The following VPS13D variants were observed in gnomAD, a reference collection of about 807,000 sequenced individuals.
VPS13D encodes the protein intermembrane lipid transfer protein VPS13D.
A neutral mutation model predicts 461.9 loss-of-function variants in VPS13D; 187 were observed. The observed-to-expected ratio is 0.40, with a 90% CI of 0.36 to 0.46. VPS13D has a LOEUF of 0.46. Ranked by LOEUF, VPS13D falls within the 20% of genes least tolerant of loss-of-function variation. The pLI, the probability that VPS13D is intolerant of heterozygous loss-of-function variation, is 0.60. For missense variants in VPS13D, 4,711 were observed against 5,364.9 expected, an observed-to-expected ratio of 0.88 and a Z score of 3.81; for synonymous variants, 1,951 against 1,986.3, an observed-to-expected ratio of 0.98 and a Z score of 0.47.
rs942045392 is a variant in VPS13D, at chr1:12,509,260, C to T, written c.*236C>T. 5 of 493,130 alleles carry T rather than the reference C, an allele frequency of 1.0e-5. No individual in the cohort carries two copies. In the East Asian group the frequency reaches 1.1e-4, roughly 11 times the overall value. 30.5% of individuals were successfully genotyped at this position (493,130 alleles called of 1,614,324 possible). ...ATTTTTAAAGGTATTGGTTAAATAA[C>T]GTTTAAAAACATGTACTGAGATGAA... On this transcript the variant is annotated 3_prime_UTR_variant, in exon 70 of 70. Coordinates refer to ENST00000620676, the MANE Select transcript of VPS13D (RefSeq NM_015378.4).
At chr1:12,247,023 ACT>A (rs1640573045) in intron 5 of VPS13D, among the ~76,000 whole-genome samples, 3 of 152,100 alleles carry the variant, frequency 2.0e-5, no homozygotes, top group Admixed American at 1.3e-4. Flanking sequence ...TTATGGGGTA[ACT>A]CTGTTTACTT....
intron 67 of VPS13D, among the ~76,000 whole-genome samples, chr1:12,465,534 G>A (rs1034099037): frequency 3.5e-4 from 53 of 152,340 alleles, no homozygotes; most frequent in African/African-American, 1.2e-3. Flanking sequence ...GATTGTGCAC[G>A]TAGATGTAAA....
At chr1:12,346,460 A>G in intron 43 of VPS13D, 145 bp from the exon 44 acceptor site, 1 of 710,158 alleles carries the variant, frequency 1.4e-6, no homozygotes, top group Non-Finnish European at 2.3e-6. Flanking sequence ...CTTTAAGAGG[A>G]GATGTTTTAT....
rs1294600892 is a variant in VPS13D, at chr1:12,495,963, T to C, written c.12663-1537T>C. Among the ~76,000 whole-genome samples, 1 of 152,198 alleles carries C rather than the reference T, an allele frequency of 6.6e-6. No homozygotes were observed. Among genetic ancestry groups the C allele is most frequent in the African/African-American group, 2.4e-5 (1 of 41,458 alleles). On this transcript the variant is annotated intron_variant, in intron 67 of 69. Coordinates refer to ENST00000620676, the MANE Select transcript of VPS13D (RefSeq NM_015378.4). The surrounding 1 kb of genome is among the most constrained non-coding windows in gnomAD (Gnocchi z 4.0). The stretch of plus-strand genomic sequence containing the variant: ...ACCAGCATCCTCTCGGCAGCAGTCG[T>C]CCAGCTTCTCTCCTGATGGGTTAGC...
chr1:12,469,299 A>G (rs572706197), intron 67 of VPS13D, among the ~76,000 whole-genome samples: 1 of 152,238 alleles, frequency 6.6e-6, no homozygotes. Flanking sequence ...ATTTATAGAT[A>G]TAACAATTTT....
In VPS13D at chr1:12,383,116, C is replaced by T. The variant is rs1172802562; in HGVS notation, c.11331C>T (p.Ser3777=). Residue 3777 remains serine (S), a synonymous_variant, in exon 58 of 70, where the codon TCC becomes TCT. Coordinates refer to ENST00000620676, the MANE Select transcript of VPS13D (RefSeq NM_015378.4). The part of the protein sequence containing the change: ...QKMRPGSGML[S]IRVIPDGPTR... ...TGAGACCTGGTTCTGGAATGTTATC[C>T]ATCAGAGTCATCCCAGATGGACCAA... 3 of 1,614,044 alleles carry T rather than the reference C, an allele frequency of 1.9e-6. No individual in the cohort carries two copies. Among genetic ancestry groups the T allele is most frequent in the African/African-American group, 1.3e-5 (1 of 75,018 alleles).
At position 12,386,173 on chromosome 1, in the gene VPS13D, G is replaced by T. The variant is rs777743995; in HGVS notation, c.11485-12G>T. On this transcript the variant is annotated splice_polypyrimidine_tract_variant and intron_variant, in intron 59 of 69. Transcript: ENST00000620676. The stretch of plus-strand genomic sequence containing the variant: ...AAAACAATCAGGGTGCCATATTTTG[G>T]TTTCCTTTCAGGTGCTTGTGAGGTT... 1.9e-6 allele frequency: 3 copies of T among 1,602,532 alleles called. No individual in the cohort carries two copies. Among genetic ancestry groups the T allele is most frequent in the African/African-American group, 1.3e-5 (1 of 74,366 alleles).
chr1:12,361,823 C>T (rs1014856868), intron 50 of VPS13D, among the ~76,000 whole-genome samples: 26 of 151,996 alleles, frequency 1.7e-4, no homozygotes, highest in African/African-American at 1.9e-4. Flanking sequence ...ACATAGTAGG[C>T]GCTGAAAACA....
chr1:12,346,218 CTG>C (rs1021322749), intron 43 of VPS13D, among the ~76,000 whole-genome samples: 13 of 152,206 alleles, frequency 8.5e-5, no homozygotes, highest in Non-Finnish European at 2.9e-5. Flanking sequence ...TTAGAAAACA[CTG>C]TTGCACAACT....
intron 2 of VPS13D, among the ~76,000 whole-genome samples, chr1:12,240,641 G>A (rs1312354879): frequency 1.4e-5 from 2 of 145,720 alleles, no homozygotes; most frequent in Non-Finnish European, 3.0e-5. Flanking sequence ...CATAAATCAT[G>A]CTCTTCAAAA....
intron 22 of VPS13D, among the ~76,000 whole-genome samples, chr1:12,290,352 ATGT>A (rs1371319842): frequency 2.6e-5 from 4 of 152,142 alleles, no homozygotes; most frequent in Non-Finnish European, 5.9e-5. Flanking sequence ...AGACCTAATG[ATGT>A]TTATTTCTAG....
intron 67 of VPS13D, among the ~76,000 whole-genome samples, chr1:12,464,106 A>G (rs1408303203): frequency 2.0e-5 from 3 of 152,234 alleles, no homozygotes; most frequent in East Asian, 1.9e-4. Context: ...CTCTAACACT[A>G]TCACCGAGGG....
At position 12,299,092 on chromosome 1, in the gene VPS13D, A is replaced by G. The variant is rs1176902265; in HGVS notation, c.6034-110A>G. Reference sequence around the variant, plus strand: ...ATGGTGGTCATAGAATATGCTCTGTATGATTTTAATTGTTTTATAAACTCA... The same window carrying G: ...ATGGTGGTCATAGAATATGCTCTGTGTGATTTTAATTGTTTTATAAACTCA... On this transcript the variant is annotated intron_variant, in intron 24 of 69. Transcript: ENST00000620676. The surrounding 1 kb of genome is among the most constrained non-coding windows in gnomAD (Gnocchi z 4.2). 6.7e-6 allele frequency: 7 copies of G among 1,041,762 alleles called. No homozygotes were observed. The highest frequency in any genetic ancestry group is 1.4e-6 in the Non-Finnish European group (1 of 733,682). The allele number at this position is 1,041,762 out of a possible 1,614,324, so 64.5% of individuals were successfully genotyped here. A position where few individuals can be genotyped will look rare whatever the true frequency, so the allele number is the denominator to read the frequency against.
chr1:12,322,607 C>T lies in VPS13D; in HGVS notation c.7776C>T (p.Ser2592=). The part of the protein sequence containing the change: ...DVQLFLAIAK[S]IPEQANAAVP... ...AGCTGTTTCTTGCCATTGCAAAATC[C>T]ATCCCAGAGCAAGCTAATGCTGCAG... The change falls in exon 34 of 70, where the codon TCC becomes TCT. Residue 2592 remains serine (S), a synonymous_variant. Coordinates refer to ENST00000620676, the MANE Select transcript of VPS13D (RefSeq NM_015378.4). 1.2e-6 allele frequency: 2 copies of T among 1,614,218 alleles called. No homozygotes were observed. The highest frequency in any genetic ancestry group is 2.2e-5 in the South Asian group (2 of 91,082).
rs75328731 is a variant in VPS13D at position 12,347,736 on chromosome 1, A to T, written c.9069+1084A>T. On this transcript the variant is annotated intron_variant, in intron 44 of 69. Coordinates refer to ENST00000620676, the MANE Select transcript of VPS13D (RefSeq NM_015378.4). Reference sequence around the variant, plus strand: ...TGGCAGAATGAAAAGCTTGAATGTCATGCCATTTGTTTCTCCAGTAAAAAG... The same window carrying T: ...TGGCAGAATGAAAAGCTTGAATGTCTTGCCATTTGTTTCTCCAGTAAAAAG... Among the ~76,000 whole-genome samples, 477 of 152,328 alleles carry T rather than the reference A, an allele frequency of 3.1e-3. 3 individuals carry two copies. Among genetic ancestry groups the T allele is most frequent in the African/African-American group, 0.011 (462 of 41,566 alleles).
intron 67 of VPS13D, among the ~76,000 whole-genome samples, chr1:12,463,261 A>G (rs1352585264): frequency 1.3e-5 from 2 of 152,198 alleles, no homozygotes; most frequent in African/African-American, 2.4e-5. Context: ...TGGGAGAGTC[A>G]TGGCAGAAGT....
At chr1:12,433,118 C>T (rs1447644549) in intron 65 of VPS13D, among the ~76,000 whole-genome samples, 1 of 152,250 alleles carries the variant, frequency 6.6e-6, no homozygotes, top group Non-Finnish European at 1.5e-5. Context: ...AGGGGCCACC[C>T]TCTTGTTCTG....
chr1:12,325,632 T>G (rs1383407771), intron 35 of VPS13D, among the ~76,000 whole-genome samples: 4 of 152,214 alleles, frequency 2.6e-5, no homozygotes. Context: ...TTTAATGTAC[T>G]GGTAGATTCT....
chr1:12,359,618 T>C (rs1643921289), intron 50 of VPS13D, among the ~76,000 whole-genome samples: 1 of 152,204 alleles, frequency 6.6e-6, no homozygotes, highest in East Asian at 1.9e-4. Context: ...GTGATATCAT[T>C]TACATATTTA....
Sources: gnomAD v4.1 joint callset for allele counts (sites outside exome capture counted in the v4.1 genomes callset) on GRCh38, gnomAD v4.1.1 for gene constraint, Gnocchi (gnomAD v3.1) non-coding constraint, MANE v1.5 for transcripts, NCBI Gene and HGNC (gene_info 2026-07-23, HGNC 2026-07-21) for gene names.